Variants in NXPH2 observed in about 807,000 individuals in gnomAD.
The protein encoded by NXPH2 is neurexophilin 2, also known as neurexophilin-2.
NXPH2 carries 5 observed loss-of-function variants against 19.8 expected under a neutral mutation model. The ratio of observed to expected loss-of-function variants is 0.25; its 90% CI spans 0.13 to 0.53. The LOEUF is 0.53. Among genes scored for constraint, NXPH2 ranks in the 20% least tolerant of loss-of-function variants. NXPH2 has a pLI of 0.96. For synonymous variants in NXPH2, 154 were observed against 127.4 expected (o/e 1.21, Z -1.41); for missense variants, 289 against 322.8 (o/e 0.90, Z 0.80).
intron 1 of NXPH2, among the ~76,000 whole-genome samples, chr2:138,713,122 T>A (rs564699469): frequency 6.6e-6 from 1 of 152,224 alleles, no homozygotes; most frequent in Non-Finnish European, 1.5e-5. Flanking sequence ...AGGGGCCTCC[T>A]TCTGGGAGAA....
chr2:138,719,272 A>G (rs1267985678), intron 1 of NXPH2, among the ~76,000 whole-genome samples: 1 of 152,152 alleles, frequency 6.6e-6, no homozygotes, highest in Non-Finnish European at 1.5e-5. Flanking sequence ...TGCAAAATAG[A>G]GTATCATCCC....
At chr2:138,725,690 A>T (rs1048712965) in intron 1 of NXPH2, among the ~76,000 whole-genome samples, 1 of 152,192 alleles carries the variant, frequency 6.6e-6, no homozygotes, top group East Asian at 1.9e-4. Flanking sequence ...CAAACTATTT[A>T]TATAATTGTT....
At chr2:138,711,145 C>CTTTTTTTTTTTTTTTTTTTTTTTTTTT (rs397766605) in intron 1 of NXPH2, among the ~76,000 whole-genome samples, 1 of 91,088 alleles carries the variant, frequency 1.1e-5, no homozygotes, top group Non-Finnish European at 2.0e-5. Context: ...ATTTCTATCA[C>CTTTTTTTTTTTTTTTTTTTTTTTTTTT]TTTTTTTTTT....
intron 1 of NXPH2, among the ~76,000 whole-genome samples, chr2:138,759,168 C>T (rs948707914): frequency 4.6e-5 from 7 of 151,978 alleles, no homozygotes; most frequent in African/African-American, 1.7e-4. Context: ...TCACAACTGC[C>T]CTTGATAGTG....
At chr2:138,702,835 A>G (rs536247292) in intron 1 of NXPH2, among the ~76,000 whole-genome samples, 5 of 152,344 alleles carry the variant, frequency 3.3e-5, no homozygotes, top group African/African-American at 4.8e-5. Context: ...ATAAGCTTTA[A>G]CAATGGCCAA....
Position 138,756,113 on chromosome 2 carries a change from A to T in NXPH2, c.51+24078T>A, listed in dbSNP as rs144758280. 5.3e-3 allele frequency among the ~76,000 whole-genome samples: 809 copies of T among 151,994 alleles called. 10 individuals are homozygous for T. Among genetic ancestry groups the T allele is most frequent in the African/African-American group, 0.018 (767 of 41,528 alleles). On this transcript the variant is annotated intron_variant, in intron 1 of 1. Coordinates refer to ENST00000272641, the MANE Select transcript of NXPH2 (RefSeq NM_007226.3). ...ATTTTTCTACTTATTCAATAATGTAATATTTATTAATTAAATGAATATTTA... is the reference window on the plus strand; with the variant it reads ...ATTTTTCTACTTATTCAATAATGTATTATTTATTAATTAAATGAATATTTA...
intron 1 of NXPH2, among the ~76,000 whole-genome samples, chr2:138,685,535 T>C (rs1680634421): frequency 1.3e-5 from 2 of 152,262 alleles, no homozygotes; most frequent in African/African-American, 4.8e-5. Context: ...ATGCATTTAA[T>C]ACGCTTAACC....
At chr2:138,722,089 T>C (rs1342460644) in intron 1 of NXPH2, among the ~76,000 whole-genome samples, 4 of 152,222 alleles carry the variant, frequency 2.6e-5, no homozygotes, top group Admixed American at 1.3e-4. Flanking sequence ...GTCTCATCTG[T>C]TAGTGTCTCT....
chr2:138,708,247 G>A (rs182107500), intron 1 of NXPH2, among the ~76,000 whole-genome samples: 29 of 152,238 alleles, frequency 1.9e-4, no homozygotes, highest in Middle Eastern at 3.4e-3. Context: ...TTCCTCAGCC[G>A]TCACACACGC....
At chr2:138,734,645 A>G (rs1681511682) in intron 1 of NXPH2, among the ~76,000 whole-genome samples, 2 of 152,228 alleles carry the variant, frequency 1.3e-5, no homozygotes, top group Non-Finnish European at 1.5e-5. Flanking sequence ...AATAAGCCAG[A>G]GGGAGACCAC....
chr2:138,762,782 G>A (rs1682036221), intron 1 of NXPH2, among the ~76,000 whole-genome samples: 1 of 152,158 alleles, frequency 6.6e-6, no homozygotes, highest in African/African-American at 2.4e-5. Flanking sequence ...GTATGCAGAT[G>A]ACACTCTTCA....
chr2:138,713,294 T>C (rs1280391903), intron 1 of NXPH2, among the ~76,000 whole-genome samples: 1 of 152,142 alleles, frequency 6.6e-6, no homozygotes, highest in African/African-American at 2.4e-5. Context: ...ATGCTGAATT[T>C]TCTAGGAGGA....
At chr2:138,726,197 C>T (rs1044770042) in intron 1 of NXPH2, among the ~76,000 whole-genome samples, 3 of 152,008 alleles carry the variant, frequency 2.0e-5, no homozygotes, top group Admixed American at 6.6e-5. Context: ...CGCCTGCCAC[C>T]GTGCCCAACT....
intron 1 of NXPH2, among the ~76,000 whole-genome samples, chr2:138,708,533 T>C (rs554096674): frequency 6.6e-6 from 1 of 152,338 alleles, no homozygotes; most frequent in East Asian, 1.9e-4. Context: ...TGAGTGAACA[T>C]TGCTAATACA....
chr2:138,725,814 T>C (rs1681347543), intron 1 of NXPH2, among the ~76,000 whole-genome samples: 1 of 152,202 alleles, frequency 6.6e-6, no homozygotes, highest in Non-Finnish European at 1.5e-5. Flanking sequence ...AAAAATCCAT[T>C]TACTGTATGT....
intron 1 of NXPH2, among the ~76,000 whole-genome samples, chr2:138,706,705 A>T (rs917384857): frequency 1.3e-5 from 2 of 152,036 alleles, no homozygotes; most frequent in African/African-American, 2.4e-5. Flanking sequence ...TGAAGTCAGG[A>T]GTTTGAGAAC....
chr2:138,707,693 A>C (rs1431715648), intron 1 of NXPH2, among the ~76,000 whole-genome samples: 1 of 152,106 alleles, frequency 6.6e-6, no homozygotes, highest in Non-Finnish European at 1.5e-5. Flanking sequence ...TTTATTTTCA[A>C]CTAAAACTTT....
chr2:138,669,843 G>T lies in NXPH2; in HGVS notation c.*1079C>A, dbSNP rs2104961883. 6.6e-6 allele frequency among the ~76,000 whole-genome samples: 1 copy of T among 152,278 alleles called. No homozygotes were observed. The highest frequency in any genetic ancestry group is 1.5e-5 in the Non-Finnish European group (1 of 68,024). On this transcript the variant is annotated 3_prime_UTR_variant, in exon 2 of 2. Coordinates refer to ENST00000272641, the MANE Select transcript of NXPH2 (RefSeq NM_007226.3). ...GTCTGGTAAGCCAGGTATCTTGGTT[G>T]TCAGCACTTAATAATTAGAAATGTT...
At chr2:138,729,561 A>T (rs925884949) in intron 1 of NXPH2, among the ~76,000 whole-genome samples, 2 of 152,196 alleles carry the variant, frequency 1.3e-5, no homozygotes, top group African/African-American at 4.8e-5. Context: ...TTGCTTTCCT[A>T]TTTAGCCTTC....
Sources: gnomAD v4.1 joint callset for allele counts (sites outside exome capture counted in the v4.1 genomes callset) on GRCh38, gnomAD v4.1.1 for gene constraint, MANE v1.5 for transcripts, NCBI Gene and HGNC (gene_info 2026-07-23, HGNC 2026-07-21) for gene names.